The following ARHGEF38 variants were observed in gnomAD, a reference collection of about 807,000 sequenced individuals.
ARHGEF38 encodes the protein Rho guanine nucleotide exchange factor (GEF) 38.
Under a neutral mutation model 79.9 loss-of-function variants are expected in ARHGEF38, and 79 were observed. That is an observed-to-expected ratio of 0.99 (90% CI 0.82 to 1.19). The LOEUF (loss-of-function observed/expected upper bound fraction) is 1.19. Ranked by LOEUF, ARHGEF38 falls within the 50% of genes most tolerant of loss-of-function variation. ARHGEF38 has a pLI of 0.00. For synonymous variants in ARHGEF38, 366 were observed against 328.3 expected, an observed-to-expected ratio of 1.11 and a Z score of -1.24; for missense variants, 962 against 907.2, an observed-to-expected ratio of 1.06 and a Z score of -0.78.
intron 2 of ARHGEF38, among the ~76,000 whole-genome samples, chr4:105,594,638 T>C (rs1727495482): frequency 6.6e-6 from 1 of 152,176 alleles, no homozygotes; most frequent in Non-Finnish European, 1.5e-5. Flanking sequence ...GTACCAGAAG[T>C]TCCTGGCTTA....
intron 3 of ARHGEF38, among the ~76,000 whole-genome samples, chr4:105,622,614 A>T (rs115866081): frequency 6.6e-6 from 1 of 152,210 alleles, no homozygotes; most frequent in South Asian, 2.1e-4. Flanking sequence ...TTCTCACGTC[A>T]CAAGAAATCC....
rs754803940 is a variant in ARHGEF38, at chr4:105,630,890, T to A, written c.509-8T>A. ...GATGTCATTTTGCCTTTGTTTTGCA[T>A]TTATCAGGAGAAGTATTCTTGCAGA... On this transcript the variant is annotated splice_polypyrimidine_tract_variant and splice_region_variant and intron_variant, in intron 3 of 13. Transcript: ENST00000420470. 1.6e-5 allele frequency: 26 copies of A among 1,601,070 alleles called. No individual in the cohort carries two copies. In the South Asian group the frequency reaches 2.9e-4, roughly 18 times the overall value.
chr4:105,628,596 A>G (rs1729050167), intron 3 of ARHGEF38, among the ~76,000 whole-genome samples: 1 of 152,178 alleles, frequency 6.6e-6, no homozygotes, highest in South Asian at 2.1e-4. Context: ...GAAACAAAAC[A>G]AGAATCCTGT....
Position 105,648,698 on chromosome 4 carries a change from G to A in ARHGEF38, c.1008+16G>A, listed in dbSNP as rs1450815480. On this transcript the variant is annotated intron_variant, in intron 7 of 13. Coordinates refer to ENST00000420470, the MANE Select transcript of ARHGEF38 (RefSeq NM_001242729.2). ...AGAATCACAGGTAATTTTTCTTCTTGGACCACCCACCTTTTCCCAGGGAAC... is the reference window on the plus strand; with the variant it reads ...AGAATCACAGGTAATTTTTCTTCTTAGACCACCCACCTTTTCCCAGGGAAC... The A allele has an allele frequency of 2.7e-6, 4 of 1,498,030 alleles. No individual in the cohort carries two copies. The highest frequency in any genetic ancestry group is 2.8e-5 in the African/African-American group (2 of 71,154). The allele number at this position is 1,498,030 out of a possible 1,614,324, so 92.8% of individuals were successfully genotyped here. A position where few individuals can be genotyped will look rare whatever the true frequency, so the allele number is the denominator to read the frequency against.
chr4:105,648,725 T>G (rs1365476945), intron 7 of ARHGEF38, 43 bp downstream of exon 7: 1 of 1,470,030 alleles, frequency 6.8e-7, no homozygotes, highest in African/African-American at 1.4e-5. Context: ...CCAGGGAACA[T>G]GAATGCAGAT....
chr4:105,588,150 C>T (rs1051244684), intron 1 of ARHGEF38, among the ~76,000 whole-genome samples: 4 of 152,286 alleles, frequency 2.6e-5, no homozygotes, highest in Admixed American at 1.3e-4. Context: ...GCCAAGAAAA[C>T]ACTGTTTATT....
At chr4:105,667,030 C>G in intron 11 of ARHGEF38, 99 bp from the exon 12 acceptor site, 2 of 1,017,420 alleles carry the variant, frequency 2.0e-6, no homozygotes, top group South Asian at 3.5e-5. Context: ...ATATATGACT[C>G]CTACGTTTTA....
At position 105,589,416 on chromosome 4, in the gene ARHGEF38, AG is replaced by A. The variant is rs1237334520; in HGVS notation, c.366del (p.Gln122HisfsTer3). On this transcript the variant is annotated frameshift_variant, in exon 2 of 14. Transcript: ENST00000420470. LOFTEE classifies it high-confidence loss of function. ...GAGCTGTGTGTTAGGGAAGTGGTTC[AG>A]CCCCTGAGAAATAAAAAGGTAAATA... Reference protein sequence around the residue: ...DLELCVREVVQPLRNKKTDRL... With the variant: ...DLELCVREVVXPLRNKKTDRL... The A allele has an allele frequency of 6.2e-7, 1 of 1,605,578 alleles. No individual in the cohort carries two copies. Among genetic ancestry groups the A allele is most frequent in the Non-Finnish European group, 8.5e-7 (1 of 1,177,906 alleles).
At chr4:105,631,744 G>A (rs1729202462) in intron 4 of ARHGEF38, 1 of 839,476 alleles carries the variant, frequency 1.2e-6, no homozygotes, top group South Asian at 5.5e-5. Flanking sequence ...ATAAATGTGG[G>A]TATGTGTTTG....
At chr4:105,673,905 G>A (rs1022205102) in intron 13 of ARHGEF38, among the ~76,000 whole-genome samples, 1 of 152,112 alleles carries the variant, frequency 6.6e-6, no homozygotes, top group Non-Finnish European at 1.5e-5. Flanking sequence ...AGAATAATGA[G>A]CATTTTTCAT....
At chr4:105,613,250 C>T (rs1389897481) in intron 2 of ARHGEF38, 134 bp from the exon 3 acceptor site, 1 of 1,171,662 alleles carries the variant, frequency 8.5e-7, no homozygotes, top group East Asian at 2.6e-5. Context: ...CTCTAGAATT[C>T]CTAAATAAGA....
intron 7 of ARHGEF38, among the ~76,000 whole-genome samples, 179 bp from the exon 8 acceptor site, chr4:105,653,886 C>G (rs1175085211): frequency 6.6e-6 from 1 of 152,204 alleles, no homozygotes; most frequent in Admixed American, 6.5e-5. Flanking sequence ...ACTAACTGAG[C>G]ATCAGTTGTG....
In ARHGEF38 at chr4:105,628,590, C is replaced by T. The variant is rs1447094; in HGVS notation, c.509-2308C>T. ...GATGAACTCTATAGGATATCAGAAA[C>T]AAAACAAGAATCCTGTGTCCTTCAG... On this transcript the variant is annotated intron_variant, in intron 3 of 13. Coordinates refer to ENST00000420470, the MANE Select transcript of ARHGEF38 (RefSeq NM_001242729.2). Among the ~76,000 whole-genome samples the T allele has an allele frequency of 8.5e-5, 13 of 152,084 alleles. No individual in the cohort carries two copies. In the East Asian group the frequency reaches 2.5e-3, roughly 29 times the overall value.
chr4:105,642,244 G>A (rs1729648904), intron 5 of ARHGEF38, among the ~76,000 whole-genome samples: 1 of 152,084 alleles, frequency 6.6e-6, no homozygotes, highest in African/African-American at 2.4e-5. Flanking sequence ...TCTGTGCGAT[G>A]CAGTTTTCTG....
At chr4:105,557,568 G>T (rs1188474851) in intron 1 of ARHGEF38, among the ~76,000 whole-genome samples, 2 of 148,234 alleles carry the variant, frequency 1.3e-5, no homozygotes, top group Non-Finnish European at 3.0e-5. Flanking sequence ...TATTGAGGGT[G>T]AAGCTTTGGT....
intron 4 of ARHGEF38, chr4:105,631,680 A>G (rs1729200523): frequency 1.0e-6 from 1 of 975,880 alleles, no homozygotes; most frequent in African/African-American, 1.8e-5. Flanking sequence ...TTGCTATTTC[A>G]CTATTAGCCC....
At chr4:105,643,291 C>T (rs1729698689) in intron 5 of ARHGEF38, among the ~76,000 whole-genome samples, 1 of 152,094 alleles carries the variant, frequency 6.6e-6, no homozygotes, top group African/African-American at 2.4e-5. Flanking sequence ...CTGCCTCCTT[C>T]CCCCTCTGTC....
At chr4:105,634,795 C>T (rs1477491203) in intron 4 of ARHGEF38, among the ~76,000 whole-genome samples, 1 of 152,068 alleles carries the variant, frequency 6.6e-6, no homozygotes, top group Non-Finnish European at 1.5e-5. Context: ...TATTTTTCTT[C>T]TTGCTAATCA....
At chr4:105,560,304 A>G (rs910792742) in intron 1 of ARHGEF38, among the ~76,000 whole-genome samples, 5 of 152,210 alleles carry the variant, frequency 3.3e-5, no homozygotes, top group Non-Finnish European at 5.9e-5. Context: ...TAATAGCTTA[A>G]TGATCTCCAT....
Sources: allele counts gnomAD v4.1 joint callset (sites outside exome capture counted in the v4.1 genomes callset), GRCh38; gene constraint gnomAD v4.1.1; transcripts MANE v1.5; gene names NCBI Gene and HGNC (gene_info 2026-07-23, HGNC 2026-07-21).